INTS9: variants seen among roughly 807,000 people sequenced by gnomAD.
INTS9 encodes integrator complex subunit 9.
A neutral mutation model predicts 79.7 loss-of-function variants in INTS9; 55 were observed. That is an observed-to-expected ratio of 0.69 (90% CI 0.56 to 0.86). The LOEUF (loss-of-function observed/expected upper bound fraction) is 0.86. INTS9 is among the 40% of genes least tolerant of loss of function. The pLI is 0.00. For synonymous variants in INTS9, 319 were observed against 325.2 expected, an observed-to-expected ratio of 0.98 and a Z score of 0.20; for missense variants, 721 against 831.5, an observed-to-expected ratio of 0.87 and a Z score of 1.64.
intron 13 of INTS9, among the ~76,000 whole-genome samples, chr8:28,776,710 C>G (rs1185422809): frequency 2.0e-5 from 3 of 152,068 alleles, no homozygotes; most frequent in Non-Finnish European, 2.9e-5. Context: ...GCCCTTTGCT[C>G]CTCCTCTTGA....
intron 8 of INTS9, among the ~76,000 whole-genome samples, chr8:28,804,528 C>G (rs1804697742): frequency 2.0e-5 from 3 of 151,872 alleles, no homozygotes; most frequent in Non-Finnish European, 2.9e-5. Flanking sequence ...GAACACCAAG[C>G]CACTCCTTGC....
At chr8:28,803,540 A>G (rs1034823005) in intron 8 of INTS9, among the ~76,000 whole-genome samples, 1 of 152,156 alleles carries the variant, frequency 6.6e-6, no homozygotes, top group African/African-American at 2.4e-5. Flanking sequence ...AAGTTTTTTT[A>G]AGGAAAAAAG....
chr8:28,808,620 A>G (rs970473662), intron 8 of INTS9, among the ~76,000 whole-genome samples: 5 of 152,202 alleles, frequency 3.3e-5, no homozygotes, highest in African/African-American at 1.2e-4. Flanking sequence ...TCTGCAACAA[A>G]TGTCCCTCTG....
intron 6 of INTS9, among the ~76,000 whole-genome samples, chr8:28,832,577 T>G (rs1563282456): frequency 1.3e-5 from 2 of 152,218 alleles, no homozygotes; most frequent in Non-Finnish European, 2.9e-5. Flanking sequence ...TAGCTGGCTG[T>G]CTGGGTTTGA....
intron 8 of INTS9, 118 bp downstream of exon 8, chr8:28,812,209 G>A: frequency 9.9e-7 from 1 of 1,010,484 alleles, no homozygotes. Flanking sequence ...TGGCTAGAGA[G>A]TATCTGTAGA....
intron 1 of INTS9, among the ~76,000 whole-genome samples, chr8:28,868,448 CTGT>C (rs1563309511): frequency 4.6e-5 from 7 of 151,960 alleles, no homozygotes. Flanking sequence ...CATAAAGAAA[CTGT>C]TTTTTTTTTA....
In INTS9 at chr8:28,785,664, C is replaced by T. The variant is rs540241001; in HGVS notation, c.1098+2165G>A. 1.1e-3 allele frequency among the ~76,000 whole-genome samples: 166 copies of T among 152,274 alleles called. 2 individuals are homozygous for T. The highest frequency in any genetic ancestry group is 3.7e-3 in the African/African-American group (152 of 41,548). On this transcript the variant is annotated intron_variant, in intron 11 of 16. Transcript: ENST00000521022. ...TTTAGTGGAGAATGGTATCTAGAAA[C>T]CAACATGTGGGAGCTAAATGTGTTC... is the stretch of plus-strand genomic sequence containing the variant.
At chr8:28,807,853 T>G (rs966596364) in intron 8 of INTS9, among the ~76,000 whole-genome samples, 1 of 152,204 alleles carries the variant, frequency 6.6e-6, no homozygotes, top group Non-Finnish European at 1.5e-5. Context: ...AACGTAGTAT[T>G]ATAGGGCTCA....
chr8:28,880,948 A>G (rs1433898800), intron 1 of INTS9, among the ~76,000 whole-genome samples: 2 of 141,624 alleles, frequency 1.4e-5, no homozygotes, highest in African/African-American at 5.4e-5. Flanking sequence ...CTGGGCCGCA[A>G]CCCTGTCTGG....
At chr8:28,839,268 C>A (rs1807011814) in intron 4 of INTS9, among the ~76,000 whole-genome samples, 1 of 152,050 alleles carries the variant, frequency 6.6e-6, no homozygotes, top group Non-Finnish European at 1.5e-5. Context: ...GAACTACAAA[C>A]CACTGCTCAA....
At chr8:28,856,786 G>A (rs1483773802) in intron 2 of INTS9, among the ~76,000 whole-genome samples, 3 of 152,120 alleles carry the variant, frequency 2.0e-5, no homozygotes, top group Admixed American at 6.5e-5. Flanking sequence ...ATTTCATTAT[G>A]CTGAGGTTTG....
At chr8:28,805,630 AG>A (rs1804765790) in intron 8 of INTS9, among the ~76,000 whole-genome samples, 1 of 152,232 alleles carries the variant, frequency 6.6e-6, no homozygotes, top group Non-Finnish European at 1.5e-5. Context: ...TGGTCATCAT[AG>A]GGTATGATGT....
intron 6 of INTS9, among the ~76,000 whole-genome samples, chr8:28,822,710 T>C (rs1219272043): frequency 6.6e-6 from 1 of 152,182 alleles, no homozygotes; most frequent in African/African-American, 2.4e-5. Context: ...CAAAATAGCA[T>C]TGGACATTTC....
chr8:28,776,439 TG>T (rs60244034), intron 13 of INTS9, among the ~76,000 whole-genome samples: 1,348 of 30,164 alleles, frequency 0.045, 26 homozygotes, highest in African/African-American at 0.14. Context: ...TTTTTTTTTT[TG>T]TTTTTTTTTT....
chr8:28,817,790 T>C (rs1805584990), intron 6 of INTS9, among the ~76,000 whole-genome samples: 1 of 124,152 alleles, frequency 8.1e-6, no homozygotes, highest in South Asian at 2.4e-4. Flanking sequence ...CCCATGAGCA[T>C]GGAATGTTCT....
intron 4 of INTS9, among the ~76,000 whole-genome samples, chr8:28,839,657 C>G (rs1170848810): frequency 6.6e-6 from 1 of 152,118 alleles, no homozygotes; most frequent in East Asian, 1.9e-4. Flanking sequence ...ACTATCTGAT[C>G]TTTGACAAAC....
chr8:28,850,067 TGAA>T (rs1359679449), intron 3 of INTS9, 143 bp downstream of exon 3: 23 of 539,030 alleles, frequency 4.3e-5, no homozygotes, highest in Non-Finnish European at 7.0e-5. Flanking sequence ...TACCATGTTC[TGAA>T]GACCCTAGCA....
intron 1 of INTS9, among the ~76,000 whole-genome samples, chr8:28,876,151 T>A (rs1250518311): frequency 6.6e-6 from 1 of 152,214 alleles, no homozygotes; most frequent in East Asian, 1.9e-4. Flanking sequence ...CAGGCCTATC[T>A]CTGAAGTACA....
At chr8:28,832,014 T>A (rs1333227297) in intron 6 of INTS9, among the ~76,000 whole-genome samples, 6 of 152,130 alleles carry the variant, frequency 3.9e-5, no homozygotes, top group Non-Finnish European at 8.8e-5. Context: ...CAAGAAATAC[T>A]GACTTTAGAA....
Sources: gnomAD v4.1 joint callset for allele counts (sites outside exome capture counted in the v4.1 genomes callset) on GRCh38, gnomAD v4.1.1 for gene constraint, MANE v1.5 for transcripts, NCBI Gene and HGNC (gene_info 2026-07-23, HGNC 2026-07-21) for gene names.